Variants in KCNB2 observed in about 807,000 individuals in gnomAD.
KCNB2 encodes the protein potassium voltage-gated channel subfamily B member 2.
KCNB2 carries 15 observed loss-of-function variants against 61.5 expected under a neutral mutation model. The ratio of observed to expected loss-of-function variants is 0.24; its 90% confidence interval spans 0.16 to 0.38. The LOEUF is 0.38. Ranked by LOEUF, KCNB2 falls within the 10% of genes least tolerant of loss-of-function variation. KCNB2 has a pLI of 1.00. For missense variants in KCNB2, 828 were observed against 1,125.2 expected (o/e 0.74, Z 3.78); for synonymous variants, 457 against 446.0 (o/e 1.02, Z -0.31).
At chr8:72,551,225 T>G (rs143075918) in intron 1 of KCNB2, among the ~76,000 whole-genome samples, 31 of 152,336 alleles carry the variant, frequency 2.0e-4, no homozygotes, top group African/African-American at 7.2e-4. Context: ...GTTGTTGTTG[T>G]TGTTTGTTTA....
chr8:72,656,545 T>A (rs1806295001), intron 2 of KCNB2, among the ~76,000 whole-genome samples: 1 of 152,150 alleles, frequency 6.6e-6, no homozygotes, highest in Non-Finnish European at 1.5e-5. Context: ...ACATGTATAA[T>A]CTCTCTCAAT....
intron 2 of KCNB2, among the ~76,000 whole-genome samples, chr8:72,667,957 A>T (rs1806505861): frequency 6.6e-6 from 1 of 152,218 alleles, no homozygotes. Context: ...GGTCCCCAAG[A>T]CCACTCTCAG....
At chr8:72,630,311 T>C (rs1805859245) in intron 2 of KCNB2, among the ~76,000 whole-genome samples, 1 of 152,168 alleles carries the variant, frequency 6.6e-6, no homozygotes, top group African/African-American at 2.4e-5. Context: ...TTTAATAAAA[T>C]TCACATAATT....
chr8:72,894,307 T>A (rs1210904061), intron 2 of KCNB2, among the ~76,000 whole-genome samples: 1 of 151,496 alleles, frequency 6.6e-6, no homozygotes, highest in East Asian at 1.9e-4. Context: ...CTGGTCAAGG[T>A]GGAGGGGGAA....
chr8:72,806,948 T>A (rs934310966), intron 2 of KCNB2, among the ~76,000 whole-genome samples: 1 of 152,184 alleles, frequency 6.6e-6, no homozygotes, highest in African/African-American at 2.4e-5. Flanking sequence ...TCTCTCTTTC[T>A]TCTTCCCTCC....
intron 2 of KCNB2, among the ~76,000 whole-genome samples, chr8:72,652,313 A>G (rs145138626): frequency 1.8e-4 from 27 of 152,246 alleles, no homozygotes; most frequent in Non-Finnish European, 2.9e-4. Context: ...GGATTGTGTC[A>G]TGCAAAGCCC....
At chr8:72,776,559 T>C (rs1057130936) in intron 2 of KCNB2, among the ~76,000 whole-genome samples, 4 of 152,208 alleles carry the variant, frequency 2.6e-5, no homozygotes, top group African/African-American at 9.6e-5. Flanking sequence ...GCTTTCAGTG[T>C]GGGATTTCTT....
chr8:72,883,005 G>A (rs995738079), intron 2 of KCNB2, among the ~76,000 whole-genome samples: 7 of 151,840 alleles, frequency 4.6e-5, no homozygotes, highest in Non-Finnish European at 1.0e-4. Flanking sequence ...CTCCATTCCC[G>A]GGGCTACACC....
chr8:72,865,570 A>G (rs1291329944), intron 2 of KCNB2, among the ~76,000 whole-genome samples: 1 of 152,230 alleles, frequency 6.6e-6, no homozygotes, highest in Non-Finnish European at 1.5e-5. Context: ...GAATAGTCCC[A>G]TAACAATTGC....
Position 72,937,960 on chromosome 8 carries a change from C to T in KCNB2, c.2605C>T (p.His869Tyr), listed in dbSNP as rs1806966121. 1.2e-6 allele frequency: 2 copies of T among 1,614,046 alleles called. No individual in the cohort carries two copies. The highest frequency in any genetic ancestry group is 3.3e-5 in the Admixed American group (2 of 60,016). The stretch of plus-strand genomic sequence containing the variant: ...TCACAACTGTAGGCAAGACATTTAC[C>T]ATGCTGTGAGTGAAGTCAAAAAGGA... ...TGHNCRQDIY[H>Y]AVSEVKKDSS... Residue 869 changes from histidine (H) to tyrosine (Y), a missense_variant, in exon 3 of 3, where the codon CAT becomes TAT. By Grantham distance (83) the His-to-Tyr change is moderately conservative. This residue lies in a region of KCNB2 where 559 missense variants were observed against 588.4 expected (regional missense o/e 0.95). Coordinates refer to ENST00000523207, the MANE Select transcript of KCNB2 (RefSeq NM_004770.3).
intron 1 of KCNB2, among the ~76,000 whole-genome samples, chr8:72,561,769 A>ACG (rs1806534075): frequency 1.0e-4 from 3 of 28,576 alleles, no homozygotes; most frequent in South Asian, 8.4e-4. Context: ...ATGGATATAT[A>ACG]TATATATGGA....
At chr8:72,827,839 G>A (rs1020169938) in intron 2 of KCNB2, among the ~76,000 whole-genome samples, 9 of 150,016 alleles carry the variant, frequency 6.0e-5, no homozygotes, top group African/African-American at 2.2e-4. Flanking sequence ...TTGAGATGGA[G>A]TCTCACTCTG....
intron 2 of KCNB2, among the ~76,000 whole-genome samples, chr8:72,701,724 T>C (rs961179279): frequency 6.6e-5 from 10 of 152,144 alleles, no homozygotes; most frequent in African/African-American, 2.2e-4. Context: ...TAATTGAGGG[T>C]GATTATCATA....
chr8:72,664,797 C>T (rs904873477), intron 2 of KCNB2, among the ~76,000 whole-genome samples: 9 of 152,020 alleles, frequency 5.9e-5, no homozygotes, highest in African/African-American at 2.2e-4. Context: ...TGTTAGAAAA[C>T]GATAACTGCA....
chr8:72,617,147 C>T (rs1166535778), intron 2 of KCNB2, among the ~76,000 whole-genome samples: 1 of 152,260 alleles, frequency 6.6e-6, no homozygotes, highest in African/African-American at 2.4e-5. Context: ...TTTTCATTTC[C>T]CTCTCTTTCC....
chr8:72,600,876 ATAAC>A (rs1385447809), intron 2 of KCNB2, among the ~76,000 whole-genome samples: 1 of 152,152 alleles, frequency 6.6e-6, no homozygotes, highest in Non-Finnish European at 1.5e-5. Flanking sequence ...ATCAGAAAAA[ATAAC>A]TAATAGGTAC....
chr8:72,561,970 T>C (rs888132160), intron 1 of KCNB2, among the ~76,000 whole-genome samples: 2 of 151,378 alleles, frequency 1.3e-5, no homozygotes, highest in Admixed American at 6.6e-5. Flanking sequence ...GCAAATCATC[T>C]TGTGGTTCTT....
At chr8:72,781,061 G>A (rs932219768) in intron 2 of KCNB2, among the ~76,000 whole-genome samples, 18 of 151,968 alleles carry the variant, frequency 1.2e-4, no homozygotes, top group Admixed American at 3.3e-4. Context: ...GCCCACTTTT[G>A]ATGGGGTTGT....
At chr8:72,755,728 G>A (rs776054053) in intron 2 of KCNB2, among the ~76,000 whole-genome samples, 51 of 152,286 alleles carry the variant, frequency 3.3e-4, no homozygotes, top group Non-Finnish European at 2.2e-4. Context: ...GTGTGCTTAC[G>A]AATGAAGGAT....
Sources: allele counts gnomAD v4.1 joint callset (sites outside exome capture counted in the v4.1 genomes callset), GRCh38; gene constraint gnomAD v4.1.1; regional missense constraint gnomAD v4.1.1; transcripts MANE v1.5; gene names NCBI Gene and HGNC (gene_info 2026-07-23, HGNC 2026-07-21).